Variants in BRF1 observed in about 807,000 individuals in gnomAD.
The protein encoded by BRF1 is transcription factor IIIB 90 kDa subunit.
In BRF1, 59 loss-of-function variants were observed where a neutral mutation model predicts 81.7. The ratio of observed to expected loss-of-function variants is 0.72; its 90% confidence interval spans 0.59 to 0.90. The LOEUF (loss-of-function observed/expected upper bound fraction) is 0.90, where lower values mean the gene tolerates loss of function less well. BRF1 is among the 40% of genes least tolerant of loss of function. The pLI is 0.00. For missense variants in BRF1, 1,050 were observed against 936.3 expected, an observed-to-expected ratio of 1.12 and a Z score of -1.58; for synonymous variants, 491 against 395.6, an observed-to-expected ratio of 1.24 and a Z score of -2.86.
At chr14:105,241,632 C>G in intron 5 of BRF1, 1 of 627,290 alleles carries the variant, frequency 1.6e-6, no homozygotes, top group Non-Finnish European at 2.8e-6. Flanking sequence ...TGCCAGCCAG[C>G]CTGCTGCAGA....
chr14:105,286,549 A>G (rs587738682), intron 1 of BRF1, among the ~76,000 whole-genome samples, 173 bp from the exon 2 acceptor site: 6 of 152,202 alleles, frequency 3.9e-5, no homozygotes, highest in African/African-American at 1.4e-4. Flanking sequence ...CAGTGGGGGA[A>G]GCATCTCTCA....
intron 5 of BRF1, among the ~76,000 whole-genome samples, chr14:105,246,219 CA>C (rs35865531): frequency 0.24 from 35,625 of 147,002 alleles, 4,538 homozygotes; most frequent in South Asian, 0.29. Flanking sequence ...GACTCTGTCT[CA>C]AAAAAAAAAG....
intron 5 of BRF1, among the ~76,000 whole-genome samples, chr14:105,245,460 G>A (rs1178893479): frequency 1.3e-5 from 2 of 152,024 alleles, no homozygotes; most frequent in African/African-American, 2.4e-5. Flanking sequence ...AGTAGGCAAA[G>A]GGACTAATAA....
Position 105,211,000 on chromosome 14 carries a change from C to T in BRF1, c.1996+122G>A. 4 of 1,486,484 alleles carry T rather than the reference C, an allele frequency of 2.7e-6. No homozygotes were observed. Among genetic ancestry groups the T allele is most frequent in the Non-Finnish European group, 3.6e-6 (4 of 1,115,288 alleles). 92.1% of individuals were successfully genotyped at this position (1,486,484 alleles called of 1,614,324 possible). A position where few individuals can be genotyped will look rare whatever the true frequency, so the allele number is the denominator to read the frequency against. On this transcript the variant is annotated intron_variant, in intron 17 of 17. Coordinates refer to ENST00000547530, the MANE Select transcript of BRF1 (RefSeq NM_001519.4). The surrounding 1 kb of genome is among the most constrained non-coding windows in gnomAD (Gnocchi z 4.7). ...TTACAAAATGTCTTAGTTCAAATTTCTTTCCAGGGAGAAACAGAAATTTAG... is the reference window on the plus strand; with the variant it reads ...TTACAAAATGTCTTAGTTCAAATTTTTTTCCAGGGAGAAACAGAAATTTAG...
intron 15 of BRF1, among the ~76,000 whole-genome samples, chr14:105,216,758 G>A (rs1467350911): frequency 6.6e-6 from 1 of 152,250 alleles, no homozygotes; most frequent in African/African-American, 2.4e-5. Flanking sequence ...AGCAGCTGGA[G>A]ACAACGCAAG....
chr14:105,309,079 G>A lies in BRF1; in HGVS notation c.-162+6243C>T, dbSNP rs995103549. Among the ~76,000 whole-genome samples, 10 of 152,140 alleles carry A rather than the reference G, an allele frequency of 6.6e-5. No homozygotes were observed. The highest frequency in any genetic ancestry group is 2.2e-4 in the African/African-American group (9 of 41,420). On this transcript the variant is annotated intron_variant, in intron 1 of 17. Transcript: ENST00000327359. The surrounding 1 kb of genome is among the most constrained non-coding windows in gnomAD (Gnocchi z 4.0). Reference sequence around the variant, plus strand: ...TTGAGTGTTGGTTGACACGTGTTGCGGTAATTGCTGTTCTGATGTCTGTGA... The same window carrying A: ...TTGAGTGTTGGTTGACACGTGTTGCAGTAATTGCTGTTCTGATGTCTGTGA...
chr14:105,211,314 G>A (rs755941548), intron 16 of BRF1, 21 bp from the exon 17 acceptor site: 7 of 1,568,316 alleles, frequency 4.5e-6, no homozygotes, highest in African/African-American at 1.3e-5. Flanking sequence ...GTGGGGCTCT[G>A]ACACACACAG....
chr14:105,241,344 C>T lies in BRF1; in HGVS notation c.615G>A (p.Met205Ile). ...EFGEKNHEVSMTALRLLQRMK... is the reference protein window; with the variant it reads ...EFGEKNHEVSITALRLLQRMK... Reference sequence around the variant, plus strand: ...TCCTCTGTAGGAGCCTCAGGGCAGTCATGGACACCTCGTGGTTCTTCTCCC... The same window carrying T: ...TCCTCTGTAGGAGCCTCAGGGCAGTTATGGACACCTCGTGGTTCTTCTCCC... The change falls in exon 6 of 18, where the codon ATG (methionine) becomes ATA (isoleucine). Residue 205 changes from methionine to isoleucine, a missense_variant. Met to Ile is a conservative substitution (Grantham distance 10). Coordinates refer to ENST00000547530, the MANE Select transcript of BRF1 (RefSeq NM_001519.4). 6 of 1,612,792 alleles carry T rather than the reference C, an allele frequency of 3.7e-6. No individual in the cohort carries two copies. The highest frequency in any genetic ancestry group is 5.1e-6 in the Non-Finnish European group (6 of 1,179,936).
intron 3 of BRF1, among the ~76,000 whole-genome samples, chr14:105,260,173 GAA>G (rs1283649623): frequency 6.6e-6 from 1 of 152,178 alleles, no homozygotes; most frequent in African/African-American, 2.4e-5. Flanking sequence ...CTTCAGAGGA[GAA>G]AAAGACCCAG....
At chr14:105,259,251 C>T (rs1248909445) in intron 3 of BRF1, among the ~76,000 whole-genome samples, 1 of 152,128 alleles carries the variant, frequency 6.6e-6, no homozygotes, top group Non-Finnish European at 1.5e-5. Flanking sequence ...CAAGACCGGC[C>T]TGGGCAACAC....
rs2056666718 is a variant in BRF1, at chr14:105,271,777, A to G, written c.439+944T>C. ...GACCAGATGCACAGAGACCAGTGCA[A>G]GAGAACACCAGACACTGGATCTCCA... On this transcript the variant is annotated intron_variant, in intron 3 of 17. Transcript: ENST00000547530. The surrounding 1 kb of genome is among the most constrained non-coding windows in gnomAD (Gnocchi z 5.5). 6.6e-6 allele frequency among the ~76,000 whole-genome samples: 1 copy of G among 152,224 alleles called. No individual in the cohort carries two copies. Among genetic ancestry groups the G allele is most frequent in the Non-Finnish European group, 1.5e-5 (1 of 68,016 alleles).
intron 14 of BRF1, 109 bp downstream of exon 14, chr14:105,218,889 C>G (rs992005871): frequency 1.5e-5 from 23 of 1,507,740 alleles, no homozygotes; most frequent in African/African-American, 4.2e-5. Context: ...GCTGCCTGCC[C>G]TGGGGCCTAG....
intron 16 of BRF1, chr14:105,211,698 CCTGCCAG>C: frequency 2.9e-6 from 1 of 349,080 alleles, no homozygotes; most frequent in Non-Finnish European, 5.3e-6. Context: ...GCCCCCGCCA[CCTGCCAG>C]CACCTTCACC....
intron 1 of BRF1, among the ~76,000 whole-genome samples, chr14:105,289,561 C>T (rs1463822512): frequency 2.0e-5 from 3 of 152,188 alleles, no homozygotes; most frequent in Non-Finnish European, 1.5e-5. Context: ...AAATCTGGCC[C>T]AGGCCTCCCC....
intron 15 of BRF1, 99 bp downstream of exon 15, chr14:105,217,445 G>C: frequency 6.5e-7 from 1 of 1,535,892 alleles, no homozygotes; most frequent in Non-Finnish European, 8.8e-7. Context: ...GCACTTCTGT[G>C]GCCCCGGCTG....
At chr14:105,301,778 C>G (rs587704026), upstream of BRF1, among the ~76,000 whole-genome samples, 4 of 152,158 alleles carry the variant, frequency 2.6e-5, no homozygotes, top group East Asian at 7.7e-4. Context: ...CGCACGCCCT[C>G]AAATATCTGC....
At chr14:105,249,223 G>T in intron 5 of BRF1, 1 of 1,586,554 alleles carries the variant, frequency 6.3e-7, no homozygotes, top group Non-Finnish European at 8.5e-7. Flanking sequence ...CCCCGGGGGC[G>T]ACCAGGACGG....
chr14:105,299,909 T>C (rs1243090071), intron 1 of BRF1, among the ~76,000 whole-genome samples: 4 of 152,122 alleles, frequency 2.6e-5, no homozygotes, highest in Admixed American at 2.0e-4. Flanking sequence ...AATGAATCCT[T>C]TTAGCAGCTC....
At chr14:105,275,795 G>C (rs916614886) in intron 2 of BRF1, among the ~76,000 whole-genome samples, 1 of 152,278 alleles carries the variant, frequency 6.6e-6, no homozygotes, top group African/African-American at 2.4e-5. Flanking sequence ...TTAAGATGCA[G>C]GGCCTTTGCG....
Sources: gnomAD v4.1 joint callset for allele counts (sites outside exome capture counted in the v4.1 genomes callset) on GRCh38, gnomAD v4.1.1 for gene constraint, Gnocchi (gnomAD v3.1) non-coding constraint, MANE v1.5 for transcripts, NCBI Gene and HGNC (gene_info 2026-07-23, HGNC 2026-07-21) for gene names.